Variants in SEC24B observed in about 807,000 individuals in gnomAD.
SEC24B encodes SEC24 homolog B, COPII component.
SEC24B carries 45 observed loss-of-function variants against 142.8 expected under a neutral mutation model. That is an observed-to-expected ratio of 0.32 (90% CI 0.25 to 0.40). The LOEUF (loss-of-function observed/expected upper bound fraction) is 0.40, where lower values mean the gene tolerates loss of function less well. Among genes scored for constraint, SEC24B ranks in the 10% least tolerant of loss-of-function variants. The pLI, the probability that SEC24B is intolerant of heterozygous loss-of-function variation, is 1.00. For missense variants in SEC24B, 1,409 were observed against 1,526.8 expected (o/e 0.92, Z 1.29); for synonymous variants, 574 against 568.2 (o/e 1.01, Z -0.15).
intron 4 of SEC24B, 132 bp downstream of exon 4, chr4:109,481,913 A>G (rs1733784183): frequency 6.8e-6 from 4 of 590,996 alleles, no homozygotes; most frequent in African/African-American, 1.8e-5. Flanking sequence ...GGTTTGCATT[A>G]TAGAAGATGT....
At chr4:109,527,739 T>G (rs1195641485) in intron 18 of SEC24B, among the ~76,000 whole-genome samples, 1 of 150,768 alleles carries the variant, frequency 6.6e-6, no homozygotes, top group Non-Finnish European at 1.5e-5. Context: ...ATCACTCCAA[T>G]CACTCCACTC....
At chr4:109,464,319 T>C (rs1205188069) in intron 2 of SEC24B, among the ~76,000 whole-genome samples, 1 of 149,530 alleles carries the variant, frequency 6.7e-6, no homozygotes, top group Non-Finnish European at 1.5e-5. Flanking sequence ...TGACACAGGG[T>C]CTCACTTTAT....
chr4:109,481,041 G>A (rs1443172590), intron 3 of SEC24B, among the ~76,000 whole-genome samples: 1 of 152,090 alleles, frequency 6.6e-6, no homozygotes, highest in Non-Finnish European at 1.5e-5. Flanking sequence ...GACATGACTG[G>A]CTGTCTCAGA....
At position 109,433,982 on chromosome 4, in the gene SEC24B, C is replaced by A; in HGVS notation, c.113C>A (p.Pro38Gln). 3 of 1,198,088 alleles carry A rather than the reference C, an allele frequency of 2.5e-6. No homozygotes were observed. The African/African-American group carries it at 4.8e-5, about 19-fold the overall frequency. The allele number at this position is 1,198,088 out of a possible 1,614,324, so 74.2% of individuals were successfully genotyped here. A position where few individuals can be genotyped will look rare whatever the true frequency, so the allele number is the denominator to read the frequency against. Residue 38 changes from proline to glutamine, a missense_variant, in exon 1 of 24, where the codon CCG (proline) becomes CAG (glutamine). Pro to Gln is a moderately conservative substitution (Grantham distance 76, BLOSUM62 -1). This residue lies in a region of SEC24B where 709 missense variants were observed against 673.5 expected (regional missense o/e 1.05). Coordinates refer to ENST00000265175, the MANE Select transcript of SEC24B (RefSeq NM_006323.5). ...GCGCCCGCGGGCCCGGGTGCGGGCC[C>A]GGCGCCGCACCAGCAGAACGGTGAG... is the stretch of plus-strand genomic sequence containing the variant. ...AAAPAGPGAG[P>Q]APHQQNGPAQ...
chr4:109,515,689 C>T (rs1722770395), intron 10 of SEC24B, among the ~76,000 whole-genome samples: 1 of 152,112 alleles, frequency 6.6e-6, no homozygotes, highest in Non-Finnish European at 1.5e-5. Flanking sequence ...GTATAATGAG[C>T]CATCCTTTAC....
chr4:109,442,904 T>C (rs767059354), intron 1 of SEC24B, among the ~76,000 whole-genome samples: 1 of 152,224 alleles, frequency 6.6e-6, no homozygotes, highest in Non-Finnish European at 1.5e-5. Flanking sequence ...CTAGGTTTGG[T>C]AACCTTTTTA....
intron 20 of SEC24B, among the ~76,000 whole-genome samples, chr4:109,531,864 T>A (rs1038849067): frequency 4.6e-5 from 7 of 152,220 alleles, no homozygotes; most frequent in Admixed American, 4.6e-4. Flanking sequence ...TTCTTTTTTT[T>A]AAATTTTATT....
Position 109,471,304 on chromosome 4 carries a change from C to T in SEC24B, c.878-1700C>T, listed in dbSNP as rs114531197. On this transcript the variant is annotated intron_variant, in intron 2 of 23. Coordinates refer to ENST00000265175, the MANE Select transcript of SEC24B (RefSeq NM_006323.5). ...GACCACAGATGCGCACCACCATGCC[C>T]GACTAATTTTTGTATTTTTCAGTAG... Among the ~76,000 whole-genome samples the T allele has an allele frequency of 9.8e-4, 149 of 151,944 alleles. 5 individuals carry two copies. Among genetic ancestry groups the T allele is most frequent in the Non-Finnish European group, 8.1e-4 (55 of 67,968 alleles).
At chr4:109,537,588 A>G (rs781192497) in intron 22 of SEC24B, among the ~76,000 whole-genome samples, 1 of 152,202 alleles carries the variant, frequency 6.6e-6, no homozygotes, top group Non-Finnish European at 1.5e-5. Context: ...GCTGTAGTGT[A>G]CTATGACTGC....
At chr4:109,522,985 C>G (rs756928574) in intron 14 of SEC24B, among the ~76,000 whole-genome samples, 112 of 152,270 alleles carry the variant, frequency 7.4e-4, no homozygotes, top group Non-Finnish European at 5.0e-4. Flanking sequence ...ACCCCTACCT[C>G]AGCCCTGCAA....
At chr4:109,458,917 G>A (rs1730979352) in intron 1 of SEC24B, among the ~76,000 whole-genome samples, 1 of 151,510 alleles carries the variant, frequency 6.6e-6, no homozygotes, top group South Asian at 2.1e-4. Flanking sequence ...TACTATATAT[G>A]TAACAAATTT....
intron 2 of SEC24B, among the ~76,000 whole-genome samples, chr4:109,467,088 A>C (rs994300823): frequency 6.6e-5 from 10 of 151,014 alleles, no homozygotes; most frequent in Non-Finnish European, 1.2e-4. Flanking sequence ...GCACTTTGGG[A>C]GGCCGAGGCG....
chr4:109,522,347 G>A (rs746596636), intron 14 of SEC24B, among the ~76,000 whole-genome samples: 10 of 152,198 alleles, frequency 6.6e-5, no homozygotes, highest in South Asian at 4.1e-4. Context: ...CACCGTGCCC[G>A]GCGAGAGTTT....
chr4:109,525,267 A>G (rs1048658420), intron 15 of SEC24B, 79 bp from the exon 16 acceptor site: 1 of 1,200,326 alleles, frequency 8.3e-7, no homozygotes, highest in Admixed American at 2.9e-5. Flanking sequence ...TTTCTTCATA[A>G]TGTAGAATCT....
In SEC24B at chr4:109,530,348, G is replaced by T. The variant is rs1319692248; in HGVS notation, c.3136G>T (p.Val1046Leu). The T allele has an allele frequency of 6.2e-7, 1 of 1,614,112 alleles. No individual in the cohort carries two copies. The highest frequency in any genetic ancestry group is 1.1e-5 in the South Asian group (1 of 91,082). ...SDARDALVNA[V>L]VDSLSAYGST... ...TGCAAGAGATGCCTTAGTGAATGCTGTAGTGGACTCATTGTCTGCATATGG... is the reference window on the plus strand; with the variant it reads ...TGCAAGAGATGCCTTAGTGAATGCTTTAGTGGACTCATTGTCTGCATATGG... The change falls in exon 19 of 24, where the codon GTA becomes TTA. Residue 1046 changes from valine to leucine, a missense_variant. Val to Leu is a conservative substitution (Grantham distance 32). Coordinates refer to ENST00000265175, the MANE Select transcript of SEC24B (RefSeq NM_006323.5).
rs530225133 is a variant in SEC24B at position 109,539,988 on chromosome 4, A to G, written c.*313A>G. ...CAAATTTATGTAGCTATGTGGAATG[A>G]TATGTCATAATGTAAAATTAGATAA... On this transcript the variant is annotated 3_prime_UTR_variant, in exon 24 of 24. Coordinates refer to ENST00000265175, the MANE Select transcript of SEC24B (RefSeq NM_006323.5). The G allele has an allele frequency of 5.2e-5, 11 of 210,978 alleles. No homozygotes were observed. The South Asian group carries it at 1.6e-3, about 31-fold the overall frequency. 13.1% of individuals were successfully genotyped at this position (210,978 alleles called of 1,614,324 possible).
At chr4:109,530,121 A>G (rs544159874) in intron 18 of SEC24B, among the ~76,000 whole-genome samples, 168 bp from the exon 19 acceptor site, 1 of 152,356 alleles carries the variant, frequency 6.6e-6, no homozygotes, top group South Asian at 2.1e-4. Context: ...TATTTCAGAA[A>G]AAAATGTATA....
intron 5 of SEC24B, among the ~76,000 whole-genome samples, chr4:109,491,832 A>G (rs1469389660): frequency 6.6e-6 from 1 of 152,140 alleles, no homozygotes; most frequent in Non-Finnish European, 1.5e-5. Flanking sequence ...AATAGATGCT[A>G]CCTTCAACTT....
intron 1 of SEC24B, among the ~76,000 whole-genome samples, chr4:109,439,474 A>ATTTTTTTTTTTTTT (rs70949077): frequency 4.5e-5 from 2 of 43,996 alleles, no homozygotes; most frequent in Non-Finnish European, 8.0e-5. Context: ...TCCTAAGCTG[A>ATTTTTTTTTTTTTT]TTTTTTTTTT....
Sources: gnomAD v4.1 joint callset for allele counts (sites outside exome capture counted in the v4.1 genomes callset) on GRCh38, gnomAD v4.1.1 for gene constraint, gnomAD v4.1.1 regional missense constraint, MANE v1.5 for transcripts, NCBI Gene and HGNC (gene_info 2026-07-23, HGNC 2026-07-21) for gene names.